Variants in LHX4 observed in about 807,000 individuals in gnomAD.
LHX4 encodes LIM homeobox 4.
A neutral mutation model predicts 39.2 loss-of-function variants in LHX4; 16 were observed. That is an observed-to-expected ratio of 0.41 (90% confidence interval 0.28 to 0.62). LHX4 has a LOEUF of 0.62. Ranked by LOEUF, LHX4 falls within the 20% of genes least tolerant of loss-of-function variation. LHX4 has a pLI of 0.33. For missense variants in LHX4, 439 were observed against 511.9 expected (o/e 0.86, Z 1.37); for synonymous variants, 206 against 198.1 (o/e 1.04, Z -0.33).
intron 1 of LHX4, among the ~76,000 whole-genome samples, chr1:180,240,254 G>A (rs537169589): frequency 9.2e-5 from 14 of 152,248 alleles, no homozygotes; most frequent in South Asian, 8.3e-4. Flanking sequence ...GACTGGTCTC[G>A]AACTTCTGGG....
intron 4 of LHX4, 91 bp from the exon 5 acceptor site, chr1:180,271,744 G>T (rs1449380098): frequency 6.8e-7 from 1 of 1,468,648 alleles, no homozygotes; most frequent in South Asian, 1.1e-5. Context: ...TCAGGCTTCA[G>T]TCTGCTTCCA....
upstream of LHX4, among the ~76,000 whole-genome samples, chr1:180,228,537 G>A (rs1024287712): frequency 1.3e-5 from 2 of 152,136 alleles, no homozygotes; most frequent in Non-Finnish European, 2.9e-5. Flanking sequence ...GCGTTTCCCC[G>A]TGTTTGCTTA....
At chr1:180,264,113 C>T (rs977013479) in intron 2 of LHX4, among the ~76,000 whole-genome samples, 2 of 152,046 alleles carry the variant, frequency 1.3e-5, no homozygotes, top group Admixed American at 1.3e-4. Flanking sequence ...TACAGGTGCA[C>T]ACCACTACAC....
At chr1:180,229,963 G>GCGGGGGGGGGGGGGGGGGCC (rs1558204889), upstream of LHX4, among the ~76,000 whole-genome samples, 1 of 78,230 alleles carries the variant, frequency 1.3e-5, no homozygotes, top group Non-Finnish European at 2.8e-5. Flanking sequence ...CGGAGGCGGG[G>GCGGGGGGGGGGGGGGGGGCC]AGGGGGGGGG....
At position 180,266,553 on chromosome 1, in the gene LHX4, G is replaced by A. The variant is rs765644839; in HGVS notation, c.410G>A (p.Arg137Gln). ...GDEFYLMEDG[R>Q]LVCKEDYETA... is the part of the protein sequence containing the mutation. ...GAATTCTACCTCATGGAGGACGGGC[G>A]GCTGGTGTGCAAGGAAGACTACGAG... Residue 137 changes from arginine to glutamine, a missense_variant, in exon 3 of 6, where the codon CGG (arginine) becomes CAG (glutamine). Coordinates refer to ENST00000263726, the MANE Select transcript of LHX4 (RefSeq NM_033343.4). The surrounding 1 kb of genome is among the most constrained non-coding windows in gnomAD (Gnocchi z 5.7). 4.3e-6 allele frequency: 7 copies of A among 1,614,166 alleles called. No homozygotes were observed. The highest frequency in any genetic ancestry group is 2.2e-5 in the East Asian group (1 of 44,878).
intron 2 of LHX4, among the ~76,000 whole-genome samples, chr1:180,253,266 C>G (rs577173362): frequency 4.1e-4 from 63 of 152,290 alleles, no homozygotes; most frequent in Middle Eastern, 3.4e-3. Flanking sequence ...GGACCAGGGC[C>G]CAGAGAGAGT....
At chr1:180,229,416 G>A (rs565523038), upstream of LHX4, among the ~76,000 whole-genome samples, 23 of 152,222 alleles carry the variant, frequency 1.5e-4, no homozygotes, top group East Asian at 3.7e-3. Context: ...CGGTCTGCGG[G>A]GACGCGCGCG....
At position 180,271,919 on chromosome 1, in the gene LHX4, G is replaced by A. The variant is rs1309542359; in HGVS notation, c.691G>A (p.Val231Ile). The change falls in exon 5 of 6, where the codon GTC (valine) becomes ATC (isoleucine). Residue 231 changes from valine (V) to isoleucine (I), a missense_variant. Coordinates refer to ENST00000263726, the MANE Select transcript of LHX4 (RefSeq NM_033343.4). ...CCGCTGGGGGCAGTTCTATAAGAGC[G>A]TCAAGAGGAGCCGGGGCAGCAGCAA... ...RHRWGQFYKSVKRSRGSSKQE... is the reference protein window; with the variant it reads ...RHRWGQFYKSIKRSRGSSKQE... The A allele has an allele frequency of 5.6e-6, 9 of 1,613,500 alleles. No individual in the cohort carries two copies. The highest frequency in any genetic ancestry group is 1.1e-5 in the South Asian group (1 of 91,052).
rs74970014 is a variant in LHX4 at position 180,274,868 on chromosome 1, G to A, written c.*289G>A. The stretch of plus-strand genomic sequence containing the variant: ...CTCTCCCCTGCTGTTCTGCTTAGGG[G>A]CTTGGCTGCTCAGTGCTTTGGTAGC... On this transcript the variant is annotated 3_prime_UTR_variant, in exon 6 of 6. Coordinates refer to ENST00000263726, the MANE Select transcript of LHX4 (RefSeq NM_033343.4). 661 of 325,908 alleles carry A rather than the reference G, an allele frequency of 2.0e-3. 3 individuals carry two copies. The highest frequency in any genetic ancestry group is 3.3e-3 in the Non-Finnish European group (583 of 177,400). The allele number at this position is 325,908 out of a possible 1,614,324, so 20.2% of individuals were successfully genotyped here.
In LHX4 at chr1:180,261,688, C is replaced by A. The variant is rs1648118707; in HGVS notation, c.249-4704C>A. ...AACTGCTTCTCTGCTCTGAGAAGCA[C>A]AACTAACTGCCTTCACTGAAATATA... On this transcript the variant is annotated intron_variant, in intron 2 of 5. Transcript: ENST00000263726. Among the ~76,000 whole-genome samples, 4 of 152,176 alleles carry A rather than the reference C, an allele frequency of 2.6e-5. 1 individual carries two copies. In the South Asian group the frequency reaches 8.3e-4, roughly 32 times the overall value.
Position 180,232,299 on chromosome 1 carries a change from C to G in LHX4, c.76+1694C>G, listed in dbSNP as rs539539085. Among the ~76,000 whole-genome samples the G allele has an allele frequency of 6.6e-6, 1 of 152,268 alleles. No individual in the cohort carries two copies. The highest frequency in any genetic ancestry group is 2.1e-4 in the South Asian group (1 of 4,826). On this transcript the variant is annotated intron_variant, in intron 1 of 5. Coordinates refer to ENST00000263726, the MANE Select transcript of LHX4 (RefSeq NM_033343.4). This position sits in a 1 kb window ranked among gnomAD's most constrained non-coding sequence, Gnocchi z 5.4. ...TCCGTAGGTGACCTGTCTGTTGGGA[C>G]CCCAATGAAGGACGATGGTCTCTGC...
At position 180,274,272 on chromosome 1, in the gene LHX4, G is replaced by A. The variant is rs755439908; in HGVS notation, c.866G>A (p.Ser289Asn). The stretch of plus-strand genomic sequence containing the variant: ...ACAGGCGGACAGTTAATGAATGGGA[G>A]CTTCTCCATGGACGGGACAGGACAA... ...DVTGGQLMNGSFSMDGTGQSY... is the reference protein window; with the variant it reads ...DVTGGQLMNGNFSMDGTGQSY... The change falls in exon 6 of 6, where the codon AGC becomes AAC. Residue 289 changes from serine to asparagine, a missense_variant. By Grantham distance (46) the Ser-to-Asn change is conservative. Coordinates refer to ENST00000263726, the MANE Select transcript of LHX4 (RefSeq NM_033343.4). 6.2e-7 allele frequency: 1 copy of A among 1,614,256 alleles called. No homozygotes were observed. The highest frequency in any genetic ancestry group is 8.5e-7 in the Non-Finnish European group (1 of 1,180,046).
intron 1 of LHX4, among the ~76,000 whole-genome samples, chr1:180,244,005 C>T (rs1647289042): frequency 6.6e-6 from 1 of 152,152 alleles, no homozygotes; most frequent in Admixed American, 6.5e-5. Context: ...AATTCTGGCT[C>T]CCCCACCGTC....
rs537095742 is a variant in LHX4, at chr1:180,266,748, C to T, written c.451+154C>T. On this transcript the variant is annotated intron_variant, in intron 3 of 5. Transcript: ENST00000263726. The surrounding 1 kb of genome is among the most constrained non-coding windows in gnomAD (Gnocchi z 5.7). ...CTGAGAAGCGTCCCAGATCTCCACA[C>T]TGAGAGTAAATGCTGAACACCTCCC... 4.7e-4 allele frequency among the ~76,000 whole-genome samples: 71 copies of T among 152,342 alleles called. No individual in the cohort carries two copies. The highest frequency in any genetic ancestry group is 1.6e-3 in the African/African-American group (68 of 41,572).
At chr1:180,261,175 G>A (rs148006287) in intron 2 of LHX4, among the ~76,000 whole-genome samples, 173 of 151,610 alleles carry the variant, frequency 1.1e-3, no homozygotes, top group Middle Eastern at 3.4e-3. Flanking sequence ...AGGAGGCGGC[G>A]AGCAGGTGTG....
Position 180,275,873 on chromosome 1 carries a change from G to C in LHX4, c.*1294G>C, listed in dbSNP as rs1648997121. On this transcript the variant is annotated 3_prime_UTR_variant, in exon 6 of 6. Coordinates refer to ENST00000263726, the MANE Select transcript of LHX4 (RefSeq NM_033343.4). ...GGTGCAGGGACTCCCCGTTGTGCAG[G>C]TTTGCAGTAGCAAATCACTAAGCCT... 6.6e-6 allele frequency: 1 copy of C among 152,264 alleles called. No homozygotes were observed. The highest frequency in any genetic ancestry group is 6.5e-5 in the Admixed American group (1 of 15,278). The allele number at this position is 152,264 out of a possible 1,614,324, so 9.4% of individuals were successfully genotyped here.
intron 1 of LHX4, among the ~76,000 whole-genome samples, chr1:180,233,742 GC>G (rs1486995188): frequency 6.6e-6 from 1 of 152,186 alleles, no homozygotes; most frequent in African/African-American, 2.4e-5. Context: ...AGAGAGGGCA[GC>G]CCGCACGGGA....
upstream of LHX4, among the ~76,000 whole-genome samples, chr1:180,229,958 GCGGGGA>G (rs2149250038): frequency 1.7e-4 from 15 of 87,914 alleles, no homozygotes; most frequent in South Asian, 3.9e-3. Context: ...GGAGGCGGAG[GCGGGGA>G]GGGGGGGGGG....
At chr1:180,265,322 T>TC (rs2149262866) in intron 2 of LHX4, among the ~76,000 whole-genome samples, 1 of 152,348 alleles carries the variant, frequency 6.6e-6, no homozygotes, top group South Asian at 2.1e-4. Flanking sequence ...CTGCCCTTGC[T>TC]TTCCCAATGC....
Sources: allele counts gnomAD v4.1 joint callset (sites outside exome capture counted in the v4.1 genomes callset), GRCh38; gene constraint gnomAD v4.1.1; non-coding constraint Gnocchi (gnomAD v3.1); transcripts MANE v1.5; gene names NCBI Gene and HGNC (gene_info 2026-07-23, HGNC 2026-07-21).